Variants in STS observed in about 807,000 individuals in gnomAD.
The protein encoded by STS is steroid sulfatase.
A neutral mutation model predicts 26.8 loss-of-function variants in STS; 7 were observed. The ratio of observed to expected loss-of-function variants is 0.26; its 90% CI spans 0.15 to 0.49. STS has a LOEUF of 0.49. STS is among the 20% of genes least tolerant of loss of function. STS has a pLI of 0.98. For synonymous variants in STS, 199 were observed against 189.4 expected (o/e 1.05, Z -0.42); for missense variants, 434 against 465.6 (o/e 0.93, Z 0.63).
At chrX:7,291,624 T>C (rs1208099892) in intron 7 of STS, among the ~76,000 whole-genome samples, 3 of 111,795 alleles carry the variant, frequency 2.7e-5, no homozygotes, top group African/African-American at 9.7e-5. Flanking sequence ...ACAGTGAGTG[T>C]ACCCTGACTA....
At chrX:7,273,977 T>C (rs991100956) in intron 6 of STS, among the ~76,000 whole-genome samples, 1 of 110,717 alleles carries the variant, frequency 9.0e-6, no homozygotes, top group Non-Finnish European at 1.9e-5. Context: ...GAGGTGGCAT[T>C]GGAGATGGCT....
In STS at chrX:7,266,951, A is replaced by G. The variant is rs138785516; in HGVS notation, c.806+7179A>G. ...ACACCCATTGCTTCCTTCACACCAC[A>G]TAACAACCTCATGAGGTCGGTAAAT... On this transcript the variant is annotated intron_variant, in intron 6 of 10. Coordinates refer to ENST00000674429, the MANE Select transcript of STS (RefSeq NM_001320752.2). 2.4e-3 allele frequency among the ~76,000 whole-genome samples: 268 copies of G among 112,243 alleles called. 3 individuals carry two copies. The highest frequency in any genetic ancestry group is 8.2e-3 in the African/African-American group (255 of 30,917).
At chrX:7,310,817 A>G (rs1180359355) in intron 8 of STS, among the ~76,000 whole-genome samples, 1 of 110,863 alleles carries the variant, frequency 9.0e-6, no homozygotes, top group Non-Finnish European at 1.9e-5. Flanking sequence ...CATCCCACAT[A>G]CAGAGCCGGG....
chrX:7,194,969 G>A (rs1404265050), intron 2 of STS, among the ~76,000 whole-genome samples: 3 of 111,392 alleles, frequency 2.7e-5, no homozygotes, highest in African/African-American at 6.5e-5. Flanking sequence ...TACTGCAGGC[G>A]GTTGTAACAC....
intron 8 of STS, among the ~76,000 whole-genome samples, chrX:7,311,575 T>C (rs1926478546): frequency 8.9e-6 from 1 of 112,308 alleles, no homozygotes; most frequent in Non-Finnish European, 1.9e-5. Flanking sequence ...CAACCAGCCA[T>C]GGTGGCTCAC....
intron 6 of STS, 91 bp from the exon 7 acceptor site, chrX:7,275,860 T>C (rs1924501828): frequency 9.5e-7 from 1 of 1,048,350 alleles, no homozygotes; most frequent in East Asian, 3.4e-5. Flanking sequence ...CCTGCTATGA[T>C]AATAGGTGGA....
At chrX:7,322,406 CTT>C (rs1927080336) in intron 8 of STS, among the ~76,000 whole-genome samples, 1 of 111,641 alleles carries the variant, frequency 9.0e-6, no homozygotes, top group African/African-American at 3.3e-5. Flanking sequence ...CTCTCTCTCT[CTT>C]TTTCTTTTCT....
At chrX:7,197,655 C>T (rs1933995280) in intron 2 of STS, among the ~76,000 whole-genome samples, 1 of 112,127 alleles carries the variant, frequency 8.9e-6, no homozygotes, top group East Asian at 2.8e-4. Flanking sequence ...TTAGGAATGC[C>T]TCTGTTCTCA....
At chrX:7,199,834 T>G (rs911803113) in intron 2 of STS, among the ~76,000 whole-genome samples, 1 of 107,955 alleles carries the variant, frequency 9.3e-6, no homozygotes, top group Non-Finnish European at 1.9e-5. Context: ...ATCCAAACTT[T>G]GACTCTTATA....
rs781016855 is a variant in STS, at chrX:7,293,967, T to A, written c.944-11079T>A. On this transcript the variant is annotated intron_variant, in intron 7 of 10. Transcript: ENST00000674429. ...TAAGACCCCATCTCTAAAATAAATT[T>A]AAAAAAAATAAAATTTGAGAGAGAT... 1.9e-4 allele frequency among the ~76,000 whole-genome samples: 21 copies of A among 110,277 alleles called. No individual in the cohort carries two copies. In the South Asian group the frequency reaches 3.5e-3, roughly 18 times the overall value.
At chrX:7,205,280 G>C (rs1166306694) in intron 2 of STS, among the ~76,000 whole-genome samples, 2 of 112,299 alleles carry the variant, frequency 1.8e-5, no homozygotes, top group South Asian at 3.7e-4. Context: ...GAAAGAATGG[G>C]AATGTAATTA....
At chrX:7,281,444 G>A (rs139832220) in intron 7 of STS, among the ~76,000 whole-genome samples, 3 of 111,601 alleles carry the variant, frequency 2.7e-5, no homozygotes, top group Non-Finnish European at 5.6e-5. Context: ...CATTGCTATC[G>A]TACCCTCTGG....
chrX:7,213,323 T>C (rs185069216), intron 2 of STS, among the ~76,000 whole-genome samples: 1 of 112,233 alleles, frequency 8.9e-6, no homozygotes, highest in African/African-American at 3.2e-5. Context: ...AAATCCTATG[T>C]ACTGACAAGA....
rs778465772 is a variant in STS, at chrX:7,311,861, C to T, written c.1081+6678C>T. Among the ~76,000 whole-genome samples, 4 of 111,059 alleles carry T rather than the reference C, an allele frequency of 3.6e-5. No homozygotes were observed. The East Asian group carries it at 8.5e-4, about 24-fold the overall frequency. On this transcript the variant is annotated intron_variant, in intron 8 of 10. Transcript: ENST00000674429. Reference sequence around the variant, plus strand: ...GGAGACCACTGTCTCTACAAAAAAACAGTTTAAAAAACAAAATTAACCAGG... The same window carrying T: ...GGAGACCACTGTCTCTACAAAAAAATAGTTTAAAAAACAAAATTAACCAGG...
At chrX:7,257,805 G>A (rs1923499133) in intron 5 of STS, among the ~76,000 whole-genome samples, 1 of 92,076 alleles carries the variant, frequency 1.1e-5, no homozygotes, top group African/African-American at 3.9e-5. Context: ...GTATAGATGT[G>A]TGTGTGTGTG....
intron 1 of STS, among the ~76,000 whole-genome samples, chrX:7,179,524 A>G (rs1933642693): frequency 1.8e-5 from 2 of 112,536 alleles, no homozygotes; most frequent in African/African-American, 6.5e-5. Context: ...TCATATTCAT[A>G]GGATCTCCTG....
At chrX:7,156,360 A>G (rs1407645317) in intron 1 of STS, among the ~76,000 whole-genome samples, 1 of 110,562 alleles carries the variant, frequency 9.0e-6, no homozygotes, top group African/African-American at 3.3e-5. Flanking sequence ...ATATGTGTGT[A>G]TATATATTTA....
At chrX:7,214,210 G>T (rs1450289617) in intron 2 of STS, among the ~76,000 whole-genome samples, 1 of 112,619 alleles carries the variant, frequency 8.9e-6, no homozygotes, top group Non-Finnish European at 1.9e-5. Context: ...CCTTGAACAT[G>T]TTCCCTTTTT....
At chrX:7,166,002 CTT>C (rs777828028) in intron 1 of STS, among the ~76,000 whole-genome samples, 70 of 93,298 alleles carry the variant, frequency 7.5e-4, no homozygotes, top group African/African-American at 1.5e-3. Context: ...CTGTCGCTGT[CTT>C]TTTTTTTTTT....
Sources: gnomAD v4.1 joint callset for allele counts (sites outside exome capture counted in the v4.1 genomes callset) on GRCh38, gnomAD v4.1.1 for gene constraint, MANE v1.5 for transcripts, NCBI Gene and HGNC (gene_info 2026-07-23, HGNC 2026-07-21) for gene names.